Variants in HTR2C observed in about 807,000 individuals in gnomAD.
HTR2C encodes the protein 5-hydroxytryptamine receptor 2C.
In HTR2C, 5 loss-of-function variants were observed where a neutral mutation model predicts 21.0. That is an observed-to-expected ratio of 0.24 (90% CI 0.12 to 0.50). The LOEUF (loss-of-function observed/expected upper bound fraction) is 0.50. HTR2C is among the 20% of genes least tolerant of loss of function. The probability of loss-of-function intolerance (pLI) is 0.98; values close to 1 mark genes in which losing one functional copy is unlikely to be tolerated. For missense variants in HTR2C, 271 were observed against 371.2 expected (o/e 0.73, Z 2.22); for synonymous variants, 150 against 145.3 (o/e 1.03, Z -0.23).
At chrX:114,725,984 C>T (rs1351002223) in intron 2 of HTR2C, among the ~76,000 whole-genome samples, 32 of 110,324 alleles carry the variant, frequency 2.9e-4, no homozygotes, top group South Asian at 1.6e-3. Context: ...CTGTGCCCTG[C>T]CCCCAGAGGT....
chrX:114,666,166 A>G (rs1931169384), intron 2 of HTR2C, among the ~76,000 whole-genome samples: 1 of 112,027 alleles, frequency 8.9e-6, no homozygotes, highest in South Asian at 3.7e-4. Flanking sequence ...GTGATAGTAG[A>G]GAAAGCAACA....
chrX:114,661,766 C>T (rs1409458846), intron 2 of HTR2C, among the ~76,000 whole-genome samples: 1 of 111,683 alleles, frequency 9.0e-6, no homozygotes, highest in African/African-American at 3.3e-5. Flanking sequence ...ATTTCAGGGA[C>T]CACTACTGTG....
chrX:114,600,607 T>G (rs1290251980), intron 1 of HTR2C, among the ~76,000 whole-genome samples: 1 of 111,181 alleles, frequency 9.0e-6, no homozygotes, highest in Non-Finnish European at 1.9e-5. Flanking sequence ...TTAAAAATAT[T>G]TTAAAATATC....
At chrX:114,633,523 G>C (rs1157845566) in intron 2 of HTR2C, among the ~76,000 whole-genome samples, 1 of 111,460 alleles carries the variant, frequency 9.0e-6, no homozygotes, top group East Asian at 2.8e-4. Flanking sequence ...AACTGCCATT[G>C]TTCAAATGCT....
At chrX:114,702,590 C>T (rs2147310779) in intron 2 of HTR2C, among the ~76,000 whole-genome samples, 1 of 111,548 alleles carries the variant, frequency 9.0e-6, no homozygotes, top group Admixed American at 9.6e-5. Flanking sequence ...CAACCGGTAC[C>T]AGCCGCTGCA....
At position 114,906,665 on chromosome X, in the gene HTR2C, C is replaced by G. The variant is rs1033195176; in HGVS notation, c.627C>G (p.Leu209=). The change falls in exon 6 of 6, where the codon CTC becomes CTG. Residue 209 remains leucine (L), a synonymous_variant. Transcript: ENST00000276198. ...KVFVNNTTCV[L]NDPNFVLIGS... ...TCGTGAACAACACGACGTGCGTGCT[C>G]AACGACCCAAATTTCGTTCTTATTG... 1 of 1,210,946 alleles carries G rather than the reference C, an allele frequency of 8.3e-7. No homozygotes were observed.
intron 4 of HTR2C, among the ~76,000 whole-genome samples, chrX:114,785,416 T>C (rs62594910): frequency 0.099 from 11,040 of 111,605 alleles, 550 homozygotes; most frequent in Middle Eastern, 0.17. Context: ...AAGCGACTTA[T>C]GAAAAGAAAA....
At chrX:114,847,596 A>T (rs1556467985) in intron 4 of HTR2C, among the ~76,000 whole-genome samples, 4 of 108,344 alleles carry the variant, frequency 3.7e-5, no homozygotes, top group African/African-American at 1.3e-4. Flanking sequence ...ATAATAATTA[A>T]AAAAAAAAGA....
chrX:114,736,503 G>A (rs781786740), intron 4 of HTR2C, among the ~76,000 whole-genome samples: 1 of 111,523 alleles, frequency 9.0e-6, no homozygotes, highest in African/African-American at 3.3e-5. Flanking sequence ...ACAAAGAAAT[G>A]GCAGTTAAGA....
intron 1 of HTR2C, among the ~76,000 whole-genome samples, chrX:114,593,645 A>G (rs1408075863): frequency 1.9e-5 from 2 of 106,255 alleles, no homozygotes; most frequent in African/African-American, 6.9e-5. Flanking sequence ...ATACAAAAAG[A>G]CACAAGCACT....
At chrX:114,763,763 T>A (rs1556433373) in intron 4 of HTR2C, among the ~76,000 whole-genome samples, 1 of 110,807 alleles carries the variant, frequency 9.0e-6, no homozygotes, top group African/African-American at 3.3e-5. Context: ...CCTTCCTCTT[T>A]GCAAATCAGT....
rs1932469132 is a variant in HTR2C, at chrX:114,701,076, C to T, written c.-79-25782C>T. Among the ~76,000 whole-genome samples the T allele has an allele frequency of 2.7e-5, 3 of 112,206 alleles. No individual in the cohort carries two copies. The Admixed American group carries it at 2.8e-4, about 11-fold the overall frequency. ...GCCGGGAAGCTCGAACTGGGTGGAACCCACCACAGCTCAAGGAGGCCTGCC... is the reference window on the plus strand; with the variant it reads ...GCCGGGAAGCTCGAACTGGGTGGAATCCACCACAGCTCAAGGAGGCCTGCC... On this transcript the variant is annotated intron_variant, in intron 2 of 5. Transcript: ENST00000276198.
At chrX:114,600,018 C>T (rs1470345502) in intron 1 of HTR2C, among the ~76,000 whole-genome samples, 1 of 111,144 alleles carries the variant, frequency 9.0e-6, no homozygotes, top group Non-Finnish European at 1.9e-5. Context: ...AAATCACGGA[C>T]ACTTCTAATG....
At chrX:114,771,427 A>G (rs1177307374) in intron 4 of HTR2C, among the ~76,000 whole-genome samples, 3 of 112,045 alleles carry the variant, frequency 2.7e-5, no homozygotes, top group African/African-American at 9.8e-5. Context: ...ATTCTGTTAA[A>G]TGCTATGAGC....
chrX:114,649,655 G>A (rs1258437039), intron 2 of HTR2C, among the ~76,000 whole-genome samples: 3 of 110,733 alleles, frequency 2.7e-5, no homozygotes, highest in African/African-American at 6.6e-5. Context: ...TTGCTCTGTC[G>A]CCCAGGCTGG....
chrX:114,870,047 G>T (rs1335825660), intron 5 of HTR2C, among the ~76,000 whole-genome samples: 6 of 109,622 alleles, frequency 5.5e-5, no homozygotes, highest in African/African-American at 2.0e-4. Flanking sequence ...CTAATGTATT[G>T]TTGAATTTTG....
chrX:114,628,898 TG>T (rs1384627600), intron 2 of HTR2C, among the ~76,000 whole-genome samples: 3 of 112,193 alleles, frequency 2.7e-5, no homozygotes, highest in African/African-American at 9.7e-5. Flanking sequence ...ACAATTATTT[TG>T]GGTACTACAA....
chrX:114,811,813 G>C (rs2070534608), intron 4 of HTR2C, among the ~76,000 whole-genome samples: 1 of 112,211 alleles, frequency 8.9e-6, no homozygotes, highest in South Asian at 3.7e-4. Context: ...GCTTTCATTA[G>C]TCATCCATTA....
intron 1 of HTR2C, among the ~76,000 whole-genome samples, chrX:114,591,998 C>T (rs1371301700): frequency 9.0e-6 from 1 of 111,694 alleles, no homozygotes; most frequent in Admixed American, 9.6e-5. Context: ...CCTCAGTTTC[C>T]ACAACTCCAA....
Sources: allele counts gnomAD v4.1 joint callset (sites outside exome capture counted in the v4.1 genomes callset), GRCh38; gene constraint gnomAD v4.1.1; transcripts MANE v1.5; gene names NCBI Gene and HGNC (gene_info 2026-07-23, HGNC 2026-07-21).